NRXN1: variants seen among roughly 807,000 people sequenced by gnomAD.
NRXN1 encodes neurexin 1.
NRXN1 carries 39 observed loss-of-function variants against 150.9 expected under a neutral mutation model. The observed-to-expected ratio is 0.26, with a 90% CI of 0.20 to 0.34. The LOEUF (loss-of-function observed/expected upper bound fraction) is 0.34, where lower values mean the gene tolerates loss of function less well. NRXN1 is among the 10% of genes least tolerant of loss of function. The pLI is 1.00. For missense variants in NRXN1, 1,815 were observed against 1,949.9 expected (o/e 0.93, Z 1.30); for synonymous variants, 924 against 757.0 (o/e 1.22, Z -3.62).
chr2:49,930,720 C>A (rs1239101031), intron 22 of NRXN1, among the ~76,000 whole-genome samples: 1 of 152,158 alleles, frequency 6.6e-6, no homozygotes, highest in African/African-American at 2.4e-5. Flanking sequence ...AGTTCTCTCA[C>A]CTTCCAAACT....
chr2:50,445,064 A>G (rs879588192), intron 17 of NRXN1, among the ~76,000 whole-genome samples: 4 of 152,158 alleles, frequency 2.6e-5, no homozygotes, highest in Non-Finnish European at 5.9e-5. Context: ...CCATAATAAA[A>G]GCAGACTTTG....
intron 2 of NRXN1, among the ~76,000 whole-genome samples, chr2:51,022,622 C>A (rs906247624): frequency 6.6e-6 from 1 of 152,056 alleles, no homozygotes; most frequent in Non-Finnish European, 1.5e-5. Flanking sequence ...TGACTCAGAG[C>A]CTTCTCAATA....
rs114915075 is a variant in NRXN1 at position 50,474,287 on chromosome 2, A to G, written c.3071-1816T>C. Among the ~76,000 whole-genome samples, 859 of 152,036 alleles carry G rather than the reference A, an allele frequency of 5.6e-3. 7 individuals are homozygous for G. The highest frequency in any genetic ancestry group is 0.019 in the African/African-American group (799 of 41,508). On this transcript the variant is annotated intron_variant, in intron 15 of 22. Transcript: ENST00000401669. ...AAATTAGCTTTCTGTATTTAAGTCT[A>G]AAAATCCTAGACTCTTCGAGGAATG...
chr2:50,401,595 T>C (rs1274470949), intron 17 of NRXN1, among the ~76,000 whole-genome samples: 1 of 151,944 alleles, frequency 6.6e-6, no homozygotes, highest in Non-Finnish European at 1.5e-5. Flanking sequence ...TGAATTCAGC[T>C]GGGATCCTAC....
At chr2:50,855,554 G>A (rs992472168) in intron 5 of NRXN1, among the ~76,000 whole-genome samples, 10 of 152,034 alleles carry the variant, frequency 6.6e-5, no homozygotes. Flanking sequence ...ATGAAAGAAT[G>A]TGCCAGAGGT....
intron 8 of NRXN1, among the ~76,000 whole-genome samples, chr2:50,573,110 CT>C (rs1311119665): frequency 2.6e-5 from 4 of 152,056 alleles, no homozygotes; most frequent in Non-Finnish European, 5.9e-5. Context: ...TGGCTCATAC[CT>C]GTAATCCTAG....
intron 18 of NRXN1, among the ~76,000 whole-genome samples, chr2:50,100,872 A>G (rs889042528): frequency 6.6e-6 from 1 of 152,062 alleles, no homozygotes; most frequent in African/African-American, 2.4e-5. Context: ...TGAATAATCA[A>G]TGAGCAGAAA....
intron 19 of NRXN1, among the ~76,000 whole-genome samples, chr2:50,059,350 C>T (rs900917988): frequency 7.2e-5 from 11 of 152,188 alleles, no homozygotes; most frequent in Admixed American, 7.2e-4. Flanking sequence ...GCAAAGTGTT[C>T]AAGACGTGAC....
intron 2 of NRXN1, among the ~76,000 whole-genome samples, chr2:50,954,687 G>T (rs1056742745): frequency 1.3e-5 from 2 of 152,156 alleles, no homozygotes; most frequent in Admixed American, 1.3e-4. Context: ...AAGAGGTTTG[G>T]TCAGAGGGCC....
At chr2:50,757,600 T>C (rs986008170) in intron 5 of NRXN1, among the ~76,000 whole-genome samples, 2 of 151,766 alleles carry the variant, frequency 1.3e-5, no homozygotes, top group Non-Finnish European at 2.9e-5. Context: ...ATCTCCCTTT[T>C]TAAAAAGTTC....
chr2:50,021,720 T>A (rs933522710), intron 21 of NRXN1, among the ~76,000 whole-genome samples: 3 of 152,192 alleles, frequency 2.0e-5, no homozygotes, highest in Non-Finnish European at 2.9e-5. Flanking sequence ...GAAAAATTTT[T>A]AAAAATGTAA....
intron 21 of NRXN1, among the ~76,000 whole-genome samples, chr2:50,046,425 GA>G (rs1691824377): frequency 6.6e-6 from 1 of 152,164 alleles, no homozygotes; most frequent in South Asian, 2.1e-4. Flanking sequence ...CAAGGGCAGA[GA>G]AAATAGCTTT....
chr2:50,761,833 G>A (rs1701837213), intron 5 of NRXN1, among the ~76,000 whole-genome samples: 1 of 151,914 alleles, frequency 6.6e-6, no homozygotes, highest in African/African-American at 2.4e-5. Flanking sequence ...GACTGGCTGA[G>A]TCTTCTGGCC....
At chr2:50,892,967 A>C (rs2103850125) in intron 5 of NRXN1, among the ~76,000 whole-genome samples, 1 of 152,256 alleles carries the variant, frequency 6.6e-6, no homozygotes, top group South Asian at 2.1e-4. Context: ...GGCGTGGTCA[A>C]GGGAGGGCAG....
chr2:50,417,645 A>C (rs945915592), intron 17 of NRXN1, among the ~76,000 whole-genome samples: 4 of 151,954 alleles, frequency 2.6e-5, no homozygotes, highest in Non-Finnish European at 5.9e-5. Context: ...ATTCTAAATA[A>C]GTGTGAAAAC....
chr2:50,913,744 A>G (rs1015695678), intron 5 of NRXN1, among the ~76,000 whole-genome samples: 1 of 151,808 alleles, frequency 6.6e-6, no homozygotes, highest in African/African-American at 2.4e-5. Context: ...GGTCGTAGGT[A>G]CATGGCAAAC....
chr2:50,847,711 C>A (rs574324078), intron 5 of NRXN1, among the ~76,000 whole-genome samples: 3 of 152,216 alleles, frequency 2.0e-5, no homozygotes, highest in East Asian at 3.9e-4. Context: ...GAGAGAACAT[C>A]GAGAGGATGT....
intron 17 of NRXN1, among the ~76,000 whole-genome samples, chr2:50,357,542 A>G (rs1422637661): frequency 6.6e-6 from 1 of 151,952 alleles, no homozygotes; most frequent in Non-Finnish European, 1.5e-5. Flanking sequence ...TCCCAACCTC[A>G]GGTGATCCAC....
Position 50,538,200 on chromosome 2 carries a change from T to C in NRXN1, c.2143+53A>G. On this transcript the variant is annotated intron_variant, in intron 10 of 22. Coordinates refer to ENST00000401669, the MANE Select transcript of NRXN1 (RefSeq NM_001330078.2). ...GGTCAGTGCAGGTTTGAGGTCAACA[T>C]TTAATAAACTTTTCATCTCAGGGAG... 6 of 1,564,104 alleles carry C rather than the reference T, an allele frequency of 3.8e-6. No individual in the cohort carries two copies. In the South Asian group the frequency reaches 4.9e-5, roughly 13 times the overall value.
Sources: allele counts gnomAD v4.1 joint callset (sites outside exome capture counted in the v4.1 genomes callset), GRCh38; gene constraint gnomAD v4.1.1; transcripts MANE v1.5; gene names NCBI Gene and HGNC (gene_info 2026-07-23, HGNC 2026-07-21).